RYR3: variants seen among roughly 807,000 people sequenced by gnomAD.
The protein encoded by RYR3 is ryanodine receptor 3, also known as brain ryanodine receptor-calcium release channel.
In RYR3, 207 loss-of-function variants were observed where a neutral mutation model predicts 584.3. That is an observed-to-expected ratio of 0.35 (90% CI 0.32 to 0.40). The LOEUF is 0.40. RYR3 is among the 10% of genes least tolerant of loss of function. RYR3 has a pLI of 1.00. For missense variants in RYR3, 5,616 were observed against 6,089.2 expected (o/e 0.92, Z 2.59); for synonymous variants, 2,416 against 2,248.5 (o/e 1.07, Z -2.11).
intron 1 of RYR3, chr15:33,465,665 C>T: frequency 3.9e-6 from 2 of 514,344 alleles, no homozygotes; most frequent in Non-Finnish European, 3.9e-6. Flanking sequence ...AAGACTCTGG[C>T]TACTGTGTGG....
At chr15:33,398,410 A>G (rs945675786) in intron 1 of RYR3, among the ~76,000 whole-genome samples, 1 of 152,302 alleles carries the variant, frequency 6.6e-6, no homozygotes, top group African/African-American at 2.4e-5. Flanking sequence ...CTGAGTGGGG[A>G]AAGTGAATGG....
rs140135875 is a variant in RYR3 at position 33,667,282 on chromosome 15, T to A, written c.5620-2072T>A. Among the ~76,000 whole-genome samples the A allele has an allele frequency of 2.5e-4, 38 of 152,358 alleles. 1 individual carries two copies. Among genetic ancestry groups the A allele is most frequent in the African/African-American group, 7.9e-4 (33 of 41,582 alleles). The stretch of plus-strand genomic sequence containing the variant: ...TGTTTACCTCTGGTTATTTCTTCTG[T>A]CACTCCAGGTGTTCAATGACCTGGG... On this transcript the variant is annotated intron_variant, in intron 36 of 103. Transcript: ENST00000634891.
chr15:33,582,369 A>C (rs2058638206), intron 14 of RYR3, among the ~76,000 whole-genome samples: 1 of 152,196 alleles, frequency 6.6e-6, no homozygotes, highest in South Asian at 2.1e-4. Flanking sequence ...TCACTAGGCC[A>C]GAATGGAGCC....
intron 38 of RYR3, among the ~76,000 whole-genome samples, chr15:33,691,684 ACTT>A (rs2065448437): frequency 1.3e-5 from 2 of 152,206 alleles, no homozygotes; most frequent in Non-Finnish European, 2.9e-5. Context: ...GAAGTGCTTT[ACTT>A]CTTTTCTTTC....
At chr15:33,825,980 C>A (rs557818244) in intron 82 of RYR3, among the ~76,000 whole-genome samples, 1 of 152,070 alleles carries the variant, frequency 6.6e-6, no homozygotes, top group East Asian at 1.9e-4. Context: ...GTGATCCACC[C>A]CACCTTAGCC....
intron 1 of RYR3, among the ~76,000 whole-genome samples, chr15:33,360,692 C>G (rs1974636066): frequency 6.6e-6 from 1 of 152,182 alleles, no homozygotes; most frequent in African/African-American, 2.4e-5. Flanking sequence ...GAATTGGAGC[C>G]TTAGAGAGGG....
In RYR3 at chr15:33,726,878, T is replaced by C. The variant is rs541711635; in HGVS notation, c.7033+372T>C. Among the ~76,000 whole-genome samples the C allele has an allele frequency of 2.0e-5, 3 of 152,290 alleles. No individual in the cohort carries two copies. In the East Asian group the frequency reaches 5.8e-4, roughly 29 times the overall value. On this transcript the variant is annotated intron_variant, in intron 46 of 103. Transcript: ENST00000634891. ...TGTATTCCCAACACACAAATACAAC[T>C]GATGCAAAAAACCTCAAGAGTATAG...
At chr15:33,320,686 G>C (rs1027268085) in intron 1 of RYR3, among the ~76,000 whole-genome samples, 1 of 152,202 alleles carries the variant, frequency 6.6e-6, no homozygotes. Flanking sequence ...CATGTTAAAT[G>C]AGGGTCATAA....
rs746718000 is a variant in RYR3, at chr15:33,785,669, G to T, written c.9276G>T (p.Gly3092=). ...TKTPRERSIL[G]MPDTVEDMCP... is the part of the protein sequence containing the mutation. ...ATTCTTCCTCTCAATCAGTTCTGGGGATGCCAGACACGGTAGAAGACATGT... is the reference window on the plus strand; with the variant it reads ...ATTCTTCCTCTCAATCAGTTCTGGGTATGCCAGACACGGTAGAAGACATGT... The change falls in exon 66 of 104, where the codon GGG becomes GGT. Residue 3092 remains glycine, a synonymous_variant. Coordinates refer to ENST00000634891, the MANE Select transcript of RYR3 (RefSeq NM_001036.6). 23 of 1,590,728 alleles carry T rather than the reference G, an allele frequency of 1.4e-5. No homozygotes were observed. The highest frequency in any genetic ancestry group is 1.8e-5 in the Non-Finnish European group (21 of 1,166,960).
intron 1 of RYR3, among the ~76,000 whole-genome samples, chr15:33,359,978 A>AT (rs1203946308): frequency 6.6e-6 from 1 of 151,472 alleles, no homozygotes; most frequent in African/African-American, 2.4e-5. Context: ...ACCCTGCTTT[A>AT]TTTTTTTAAT....
In RYR3 at chr15:33,820,830, A is replaced by G; in HGVS notation, c.10815+18A>G. The G allele has an allele frequency of 1.3e-6, 2 of 1,487,158 alleles. No homozygotes were observed. Among genetic ancestry groups the G allele is most frequent in the African/African-American group, 2.0e-5 (1 of 50,870 alleles). The allele number at this position is 1,487,158 out of a possible 1,614,324, so 92.1% of individuals were successfully genotyped here. On this transcript the variant is annotated intron_variant, in intron 78 of 103. Transcript: ENST00000634891. Reference sequence around the variant, plus strand: ...CATTCGAAGTAAGTTCTCATGAAGAATAAAAATAGAGCCACCCTCCAAGGC... The same window carrying G: ...CATTCGAAGTAAGTTCTCATGAAGAGTAAAAATAGAGCCACCCTCCAAGGC...
Position 33,336,417 on chromosome 15 carries a change from CGAAA to C in RYR3, c.51+25344_51+25347del, listed in dbSNP as rs1555430643. On this transcript the variant is annotated intron_variant, in intron 1 of 103. Transcript: ENST00000634891. Reference sequence around the variant, plus strand: ...CTCCAGCCTGGGCGACAGAGCGAGACGAAAGAAAGAAAGAAAGAAAGAAAGAGAG... The same window carrying C: ...CTCCAGCCTGGGCGACAGAGCGAGACGAAAGAAAGAAAGAAAGAAAGAGAG... 2.1e-3 allele frequency among the ~76,000 whole-genome samples: 66 copies of C among 31,666 alleles called. 12 individuals are homozygous for C. Among genetic ancestry groups the C allele is most frequent in the South Asian group, 3.7e-3 (3 of 820 alleles). 20.8% of individuals were successfully genotyped at this position (31,666 alleles called of 152,430 possible).
At chr15:33,316,825 C>T (rs1968240741) in intron 1 of RYR3, among the ~76,000 whole-genome samples, 1 of 152,202 alleles carries the variant, frequency 6.6e-6, no homozygotes, top group South Asian at 2.1e-4. Context: ...GGAAAACCAG[C>T]CCAGTTGCCG....
chr15:33,649,786 G>T (rs1238028348), intron 31 of RYR3, among the ~76,000 whole-genome samples: 1 of 152,180 alleles, frequency 6.6e-6, no homozygotes, highest in African/African-American at 2.4e-5. Flanking sequence ...CCTCCCACTG[G>T]TCTGCTGGCA....
intron 85 of RYR3, among the ~76,000 whole-genome samples, chr15:33,830,427 CAT>C (rs1236514548): frequency 1.3e-5 from 2 of 152,192 alleles, no homozygotes; most frequent in African/African-American, 4.8e-5. Flanking sequence ...TTTTTAAAGA[CAT>C]AATGCTATTG....
Position 33,572,471 on chromosome 15 carries a change from A to T in RYR3, c.1268+5672A>T, listed in dbSNP as rs567197730. ...TCTGCTTGTGCGGGAATGAATAGAT[A>T]GCTAGGGTCCTCTCCAGTTTTTCCC... On this transcript the variant is annotated intron_variant, in intron 12 of 103. Transcript: ENST00000634891. Among the ~76,000 whole-genome samples, 3 of 151,440 alleles carry T rather than the reference A, an allele frequency of 2.0e-5. No individual in the cohort carries two copies. The South Asian group carries it at 6.2e-4, about 32-fold the overall frequency.
rs1400197574 is a variant in RYR3 at position 33,455,501 on chromosome 15, G to A, written c.52-17918G>A. Among the ~76,000 whole-genome samples the A allele has an allele frequency of 2.8e-5, 4 of 143,394 alleles. No individual in the cohort carries two copies. The South Asian group carries it at 6.7e-4, about 24-fold the overall frequency. The allele number at this position is 143,394 out of a possible 152,430, so 94.1% of individuals were successfully genotyped here. ...GGGAAGCTTTTCAGGAGAGGAGTACGTGCCTTAAAGGCCAAAAGAAAAGAT... is the reference window on the plus strand; with the variant it reads ...GGGAAGCTTTTCAGGAGAGGAGTACATGCCTTAAAGGCCAAAAGAAAAGAT... On this transcript the variant is annotated intron_variant, in intron 1 of 103. Coordinates refer to ENST00000634891, the MANE Select transcript of RYR3 (RefSeq NM_001036.6).
chr15:33,607,905 A>G (rs1381732516), intron 18 of RYR3, among the ~76,000 whole-genome samples: 1 of 152,146 alleles, frequency 6.6e-6, no homozygotes. Context: ...AACTCATAGC[A>G]GTCTTATGAG....
chr15:33,435,350 A>G (rs534961187), intron 1 of RYR3, among the ~76,000 whole-genome samples: 33 of 152,168 alleles, frequency 2.2e-4, no homozygotes, highest in Non-Finnish European at 4.4e-4. Flanking sequence ...AGTTTCACGT[A>G]TAGTGATATA....
Sources: allele counts gnomAD v4.1 joint callset (sites outside exome capture counted in the v4.1 genomes callset), GRCh38; gene constraint gnomAD v4.1.1; transcripts MANE v1.5; gene names NCBI Gene and HGNC (gene_info 2026-07-23, HGNC 2026-07-21).